ZFP90: variants seen among roughly 807,000 people sequenced by gnomAD.
ZFP90 encodes ZFP90 zinc finger protein, also known as zinc finger protein 90 homolog.
A neutral mutation model predicts 60.8 loss-of-function variants in ZFP90; 38 were observed. The ratio of observed to expected loss-of-function variants is 0.62; its 90% CI spans 0.48 to 0.82. The LOEUF is 0.82. ZFP90 is among the 40% of genes least tolerant of loss of function. The probability of loss-of-function intolerance (pLI) is 0.00; values close to 1 mark genes in which losing one functional copy is unlikely to be tolerated. For missense variants in ZFP90, 711 were observed against 759.1 expected (o/e 0.94, Z 0.74); for synonymous variants, 287 against 264.8 (o/e 1.08, Z -0.82).
intron 4 of ZFP90, chr16:68,562,405 T>C (rs1728790): frequency 0.51 from 78,202 of 152,156 alleles, 22,114 homozygotes; most frequent in East Asian, 0.76. Context: ...CAGATTGAAA[T>C]AAATTTTTTG....
chr16:68,539,926 C>G (rs1014420760), intron 2 of ZFP90, 101 bp downstream of exon 2: 14 of 1,476,716 alleles, frequency 9.5e-6, no homozygotes, highest in African/African-American at 7.0e-5. Flanking sequence ...TGGCGACTCC[C>G]TTACTTGCTT....
At chr16:68,539,158 C>T (rs200320282), upstream of ZFP90, 2 of 152,312 alleles carry the variant, frequency 1.3e-5, no homozygotes, top group African/African-American at 4.8e-5. Flanking sequence ...TCCCTCGGCC[C>T]TCGCAAGGGT....
At chr16:68,536,827 CCT>C (rs1188056329), upstream of ZFP90, among the ~76,000 whole-genome samples, 2 of 152,160 alleles carry the variant, frequency 1.3e-5, no homozygotes, top group Admixed American at 6.5e-5. Flanking sequence ...AGGAAAAATT[CCT>C]CTTATTCTCT....
chr16:68,556,045 C>G (rs577209049), intron 2 of ZFP90, among the ~76,000 whole-genome samples: 9 of 152,244 alleles, frequency 5.9e-5, no homozygotes, highest in Middle Eastern at 3.4e-3. Context: ...TGGCATATGC[C>G]TGTAGTCCCA....
chr16:68,566,658 A>G lies in ZFP90; in HGVS notation c.*1960A>G. 1.9e-5 allele frequency: 19 copies of G among 985,576 alleles called. No homozygotes were observed. The highest frequency in any genetic ancestry group is 2.3e-5 in the Non-Finnish European group (19 of 829,942). 61.1% of individuals were successfully genotyped at this position (985,576 alleles called of 1,614,324 possible). The stretch of plus-strand genomic sequence containing the variant: ...GTTTATGGTGCACCATGATTAGCTC[A>G]CACACAATGCCAAGGCTGTGCTTCT... On this transcript the variant is annotated 3_prime_UTR_variant, in exon 5 of 5. Coordinates refer to ENST00000563169, the MANE Select transcript of ZFP90 (RefSeq NM_001305203.2).
chr16:68,539,735 TG>T, intron 1 of ZFP90, 22 bp from the exon 2 acceptor site: 1 of 1,518,190 alleles, frequency 6.6e-7, no homozygotes, highest in Middle Eastern at 2.0e-4. Flanking sequence ...GCGGGGTGAG[TG>T]GGCCCTGTCC....
Position 68,565,790 on chromosome 16 carries a change from A to T in ZFP90, c.*1092A>T. The T allele has an allele frequency of 3.0e-6, 3 of 985,498 alleles. No individual in the cohort carries two copies. The highest frequency in any genetic ancestry group is 3.6e-6 in the Non-Finnish European group (3 of 829,926). 61.0% of individuals were successfully genotyped at this position (985,498 alleles called of 1,614,324 possible). A position where few individuals can be genotyped will look rare whatever the true frequency, so the allele number is the denominator to read the frequency against. On this transcript the variant is annotated 3_prime_UTR_variant, in exon 5 of 5. Coordinates refer to ENST00000563169, the MANE Select transcript of ZFP90 (RefSeq NM_001305203.2). ...CCTTGTACTCAGAGAAGCAACATGC[A>T]CTGGCTCATTTTATGTGCAAAGAAA...
Position 68,563,495 on chromosome 16 carries a change from G to T in ZFP90, c.708G>T (p.Glu236Asp). ...AACATGAGAAAACACATAAAGGAGAGGGAGCTTTCCCTAATGGAACAGATC... is the reference window on the plus strand; with the variant it reads ...AACATGAGAAAACACATAAAGGAGATGGAGCTTTCCCTAATGGAACAGATC... ...LTKHEKTHKG[E>D]GAFPNGTDQG... Residue 236 changes from glutamate (E) to aspartate (D), a missense_variant, in exon 5 of 5, where the codon GAG becomes GAT. Transcript: ENST00000563169. 6.2e-7 allele frequency: 1 copy of T among 1,614,176 alleles called. No individual in the cohort carries two copies. The highest frequency in any genetic ancestry group is 8.5e-7 in the Non-Finnish European group (1 of 1,180,034).
At chr16:68,534,682 G>C (rs374476218), upstream of ZFP90, among the ~76,000 whole-genome samples, 1 of 151,386 alleles carries the variant, frequency 6.6e-6, no homozygotes, top group African/African-American at 2.4e-5. Flanking sequence ...GAGGTGGGTG[G>C]ATCACGAGGT....
At chr16:68,571,744 A>G (rs1359866703), downstream of ZFP90, among the ~76,000 whole-genome samples, 2 of 152,208 alleles carry the variant, frequency 1.3e-5, no homozygotes, top group Non-Finnish European at 2.9e-5. Flanking sequence ...CCTAAGCAAC[A>G]TAGTGAGACC....
Position 68,564,171 on chromosome 16 carries a change from A to G in ZFP90, c.1384A>G (p.Ile462Val), listed in dbSNP as rs1290832579. The G allele has an allele frequency of 7.4e-6, 12 of 1,614,194 alleles. No individual in the cohort carries two copies. The highest frequency in any genetic ancestry group is 1.0e-5 in the Non-Finnish European group (12 of 1,180,022). Reference protein sequence around the residue: ...CNDCGEDFSHITDFTDHQRIH... With the variant: ...CNDCGEDFSHVTDFTDHQRIH... ...TGACTGTGGGGAAGACTTTAGTCACATTACAGACTTTACTGACCATCAGAG... is the reference window on the plus strand; with the variant it reads ...TGACTGTGGGGAAGACTTTAGTCACGTTACAGACTTTACTGACCATCAGAG... The change falls in exon 5 of 5, where the codon ATT becomes GTT. Residue 462 changes from isoleucine to valine, a missense_variant. This residue lies in a region of ZFP90 where 295 missense variants were observed against 274.0 expected (regional missense o/e 1.08). Transcript: ENST00000563169.
intron 2 of ZFP90, among the ~76,000 whole-genome samples, chr16:68,572,834 A>G (rs2091575140): frequency 6.6e-6 from 1 of 152,350 alleles, no homozygotes; most frequent in Non-Finnish European, 1.5e-5. Context: ...GTGGTAAAGG[A>G]TCGAACAGAG....
chr16:68,556,675 C>T (rs955674003), intron 2 of ZFP90, among the ~76,000 whole-genome samples: 8 of 152,156 alleles, frequency 5.3e-5, no homozygotes, highest in African/African-American at 1.9e-4. Context: ...CTAATATCTC[C>T]GATCATTGCT....
intron 4 of ZFP90, chr16:68,562,694 A>G (rs748086127): frequency 5.8e-6 from 2 of 342,370 alleles, no homozygotes; most frequent in Non-Finnish European, 1.1e-5. Flanking sequence ...GTGGTGGTTT[A>G]TAAAAGGATA....
At position 68,564,150 on chromosome 16, in the gene ZFP90, T is replaced by G. The variant is rs1436938971; in HGVS notation, c.1363T>G (p.Cys455Gly). The change falls in exon 5 of 5, where the codon TGT (cysteine) becomes GGT (glycine). Residue 455 changes from cysteine to glycine, a missense_variant. Physicochemically the swap from Cys to Gly is radical, Grantham distance 159. Transcript: ENST00000563169. ...TEVKSYHCND[C>G]GEDFSHITDF... ...AGTGAAATCCTACCATTGTAATGAC[T>G]GTGGGGAAGACTTTAGTCACATTAC... The G allele has an allele frequency of 1.9e-6, 3 of 1,614,066 alleles. No individual in the cohort carries two copies. Among genetic ancestry groups the G allele is most frequent in the Non-Finnish European group, 2.5e-6 (3 of 1,180,030 alleles).
chr16:68,575,123 T>C (rs1412465302), intron 2 of ZFP90, among the ~76,000 whole-genome samples: 1 of 152,178 alleles, frequency 6.6e-6, no homozygotes, highest in Admixed American at 6.5e-5. Context: ...ACTTTGCCTA[T>C]AGGGGCCTCT....
Position 68,565,113 on chromosome 16 carries a change from C to T in ZFP90, c.*415C>T. The T allele has an allele frequency of 1.0e-6, 1 of 994,662 alleles. No homozygotes were observed. The highest frequency in any genetic ancestry group is 1.7e-5 in the African/African-American group (1 of 57,424). 61.6% of individuals were successfully genotyped at this position (994,662 alleles called of 1,614,324 possible). On this transcript the variant is annotated 3_prime_UTR_variant, in exon 5 of 5. Transcript: ENST00000563169. ...CACTCAACTGCAGCTCTTACATTAA[C>T]TTCACCATGGAAACCAGTTCCAACT...
intron 2 of ZFP90, among the ~76,000 whole-genome samples, chr16:68,575,485 C>T (rs2091589139): frequency 8.7e-6 from 1 of 115,466 alleles, no homozygotes; most frequent in Non-Finnish European, 1.7e-5. Context: ...GGGTCCAGGG[C>T]TTTTATGGGC....
In ZFP90 at chr16:68,564,810, G is replaced by T; in HGVS notation, c.*112G>T. ...TAATGAATTACGTGTGTGTTTATAC[G>T]TTGTGTGTGGAGAAAACTGCCAGTA... On this transcript the variant is annotated 3_prime_UTR_variant, in exon 5 of 5. Coordinates refer to ENST00000563169, the MANE Select transcript of ZFP90 (RefSeq NM_001305203.2). 1 of 1,417,048 alleles carries T rather than the reference G, an allele frequency of 7.1e-7. No individual in the cohort carries two copies. The highest frequency in any genetic ancestry group is 9.2e-7 in the Non-Finnish European group (1 of 1,089,406). 87.8% of individuals were successfully genotyped at this position (1,417,048 alleles called of 1,614,324 possible). A position where few individuals can be genotyped will look rare whatever the true frequency, so the allele number is the denominator to read the frequency against.
Sources: gnomAD v4.1 joint callset for allele counts (sites outside exome capture counted in the v4.1 genomes callset) on GRCh38, gnomAD v4.1.1 for gene constraint, gnomAD v4.1.1 regional missense constraint, MANE v1.5 for transcripts, NCBI Gene and HGNC (gene_info 2026-07-23, HGNC 2026-07-21) for gene names.